ACYP2: variants seen among roughly 807,000 people sequenced by gnomAD.
The protein encoded by ACYP2 is acylphosphatase 2, also known as acylphosphatase-2.
A neutral mutation model predicts 11.2 loss-of-function variants in ACYP2; 12 were observed. The ratio of observed to expected loss-of-function variants is 1.08; its 90% CI spans 0.69 to 1.74. The LOEUF (loss-of-function observed/expected upper bound fraction) is 1.74. ACYP2 is among the 40% of genes most tolerant of loss of function. The pLI is 0.00. For synonymous variants in ACYP2, 43 were observed against 32.2 expected (o/e 1.33, Z -1.13); for missense variants, 134 against 101.9 (o/e 1.31, Z -1.35).
chr2:54,113,461 A>T (rs561476902), intron 4 of ACYP2, among the ~76,000 whole-genome samples: 1 of 152,062 alleles, frequency 6.6e-6, no homozygotes, highest in African/African-American at 2.4e-5. Context: ...CAGGCTGGTC[A>T]TCTCTAACTC....
chr2:54,095,405 C>T (rs1180436055), intron 4 of ACYP2, among the ~76,000 whole-genome samples: 1 of 152,260 alleles, frequency 6.6e-6, no homozygotes, highest in Admixed American at 6.5e-5. Flanking sequence ...TTGGACACAC[C>T]TCCCAGACGG....
At chr2:54,115,206 T>C (rs890820032) in intron 4 of ACYP2, among the ~76,000 whole-genome samples, 2 of 152,246 alleles carry the variant, frequency 1.3e-5, no homozygotes, top group African/African-American at 4.8e-5. Flanking sequence ...TAAAAAATGG[T>C]GCAATGGATA....
intron 4 of ACYP2, among the ~76,000 whole-genome samples, chr2:54,083,831 A>C (rs1677800147): frequency 6.6e-6 from 1 of 152,194 alleles, no homozygotes; most frequent in Non-Finnish European, 1.5e-5. Context: ...TTGACCTTGA[A>C]AACTGACCCA....
intron 2 of ACYP2, among the ~76,000 whole-genome samples, chr2:53,975,847 A>G (rs1671453801): frequency 6.6e-6 from 1 of 152,112 alleles, no homozygotes; most frequent in South Asian, 2.1e-4. Context: ...AACAAAAAAA[A>G]CAGGATGTTA....
chr2:54,051,098 A>G (rs753806684), intron 3 of ACYP2: 20 of 609,460 alleles, frequency 3.3e-5, no homozygotes, highest in Admixed American at 2.1e-4. Flanking sequence ...GAGCTGTGCA[A>G]TGGCTCTCAC....
chr2:53,990,609 A>G (rs1672240874), intron 2 of ACYP2, among the ~76,000 whole-genome samples: 1 of 147,266 alleles, frequency 6.8e-6, no homozygotes, highest in Non-Finnish European at 1.5e-5. Context: ...AGATGGCACC[A>G]TTGCACTCCA....
intron 6 of ACYP2, among the ~76,000 whole-genome samples, chr2:54,165,529 TCTCTCTCA>T (rs749420640): frequency 0.031 from 4,474 of 142,932 alleles, 80 homozygotes; most frequent in Admixed American, 0.055. Flanking sequence ...TCTCTCTCTC[TCTCTCTCA>T]CACACACACA....
intron 1 of ACYP2, among the ~76,000 whole-genome samples, chr2:53,971,789 A>G (rs1184642558): frequency 6.6e-6 from 1 of 152,028 alleles, no homozygotes; most frequent in Non-Finnish European, 1.5e-5. Context: ...TTGAGTGCAA[A>G]GTTGGTTAGA....
intron 6 of ACYP2, among the ~76,000 whole-genome samples, chr2:54,194,940 T>C (rs1470986817): frequency 2.0e-5 from 3 of 152,172 alleles, no homozygotes; most frequent in African/African-American, 7.2e-5. Flanking sequence ...GGATGTTGTG[T>C]TTTCTGATAA....
chr2:53,981,036 G>T (rs1671730674), intron 2 of ACYP2, among the ~76,000 whole-genome samples: 2 of 152,132 alleles, frequency 1.3e-5, no homozygotes, highest in African/African-American at 4.8e-5. Context: ...ACAGGTGTGA[G>T]CCACCACACC....
At chr2:53,976,501 C>G (rs752514287) in intron 2 of ACYP2, among the ~76,000 whole-genome samples, 20 of 152,196 alleles carry the variant, frequency 1.3e-4, no homozygotes, top group Non-Finnish European at 2.4e-4. Flanking sequence ...GCCACCACAC[C>G]TGGCCAGAAA....
intron 2 of ACYP2, among the ~76,000 whole-genome samples, chr2:53,990,597 C>T (rs1309618310): frequency 8.4e-5 from 12 of 142,046 alleles, no homozygotes; most frequent in African/African-American, 2.9e-4. Context: ...TGCAGCGAGC[C>T]GAGATGGCAC....
At chr2:54,149,638 G>T (rs1682053816) in intron 6 of ACYP2, among the ~76,000 whole-genome samples, 2 of 152,078 alleles carry the variant, frequency 1.3e-5, no homozygotes, top group Non-Finnish European at 2.9e-5. Flanking sequence ...AAGACTCAAT[G>T]GTAGTTTTGT....
At chr2:54,010,043 G>T (rs1190324184) in intron 2 of ACYP2, among the ~76,000 whole-genome samples, 1 of 152,122 alleles carries the variant, frequency 6.6e-6, no homozygotes, top group Non-Finnish European at 1.5e-5. Flanking sequence ...AGGTTCAGTA[G>T]AATGGGAAAA....
rs115030996 is a variant in ACYP2, at chr2:54,000,542, C to T, written c.62+26732C>T. On this transcript the variant is annotated intron_variant, in intron 2 of 6. Transcript: ENST00000607452. The stretch of plus-strand genomic sequence containing the variant: ...GATAGGCTGGGTTATGCTGTGATAA[C>T]GCAGAACCTCAAATTCTTAGAGACT... 9.2e-3 allele frequency among the ~76,000 whole-genome samples: 1,402 copies of T among 152,298 alleles called. 18 individuals carry two copies. The highest frequency in any genetic ancestry group is 0.012 in the South Asian group (57 of 4,824).
At chr2:54,040,484 A>G (rs547148488) in intron 2 of ACYP2, among the ~76,000 whole-genome samples, 1 of 152,242 alleles carries the variant, frequency 6.6e-6, no homozygotes, top group Non-Finnish European at 1.5e-5. Flanking sequence ...GGAGATTGCC[A>G]AATGAGTCAG....
At chr2:54,167,665 T>C (rs374186323) in intron 6 of ACYP2, among the ~76,000 whole-genome samples, 12 of 152,358 alleles carry the variant, frequency 7.9e-5, no homozygotes, top group African/African-American at 2.9e-4. Flanking sequence ...ATGTGTGATA[T>C]CATCATGGTT....
At chr2:54,110,878 G>A (rs755171786) in intron 4 of ACYP2, among the ~76,000 whole-genome samples, 3 of 152,034 alleles carry the variant, frequency 2.0e-5, no homozygotes, top group Admixed American at 1.3e-4. Flanking sequence ...AAGAGGAAAG[G>A]CTGTGGCTGG....
At chr2:54,106,907 C>G (rs1297890008) in intron 4 of ACYP2, among the ~76,000 whole-genome samples, 1 of 152,056 alleles carries the variant, frequency 6.6e-6, no homozygotes, top group Non-Finnish European at 1.5e-5. Flanking sequence ...CTTATAACAT[C>G]CATATCTAAT....
Sources: gnomAD v4.1 joint callset for allele counts (sites outside exome capture counted in the v4.1 genomes callset) on GRCh38, gnomAD v4.1.1 for gene constraint, MANE v1.5 for transcripts, NCBI Gene and HGNC (gene_info 2026-07-23, HGNC 2026-07-21) for gene names.